The following CAMK2D variants were observed in gnomAD, a reference collection of about 807,000 sequenced individuals.
CAMK2D encodes calcium/calmodulin dependent protein kinase II delta.
CAMK2D carries 37 observed loss-of-function variants against 84.0 expected under a neutral mutation model. The observed-to-expected ratio is 0.44, with a 90% CI of 0.34 to 0.58. The LOEUF is 0.58. Among genes scored for constraint, CAMK2D ranks in the 20% least tolerant of loss-of-function variants. The pLI, the probability that CAMK2D is intolerant of heterozygous loss-of-function variation, is 0.02. For synonymous variants in CAMK2D, 202 were observed against 212.5 expected, an observed-to-expected ratio of 0.95 and a Z score of 0.43; for missense variants, 448 against 652.5, an observed-to-expected ratio of 0.69 and a Z score of 3.41.
intron 3 of CAMK2D, among the ~76,000 whole-genome samples, chr4:113,652,018 A>T (rs2099175100): frequency 6.6e-6 from 1 of 152,210 alleles, no homozygotes; most frequent in Non-Finnish European, 1.5e-5. Context: ...TTAAGCAAGG[A>T]TTTTTTAATC....
chr4:113,526,635 T>C (rs1030134142), intron 8 of CAMK2D, among the ~76,000 whole-genome samples: 11 of 152,158 alleles, frequency 7.2e-5, no homozygotes, highest in African/African-American at 2.7e-4. Context: ...ATCTCACTAT[T>C]ATAAGATATT....
intron 3 of CAMK2D, among the ~76,000 whole-genome samples, chr4:113,619,038 T>C (rs995390148): frequency 5.3e-5 from 8 of 152,168 alleles, no homozygotes; most frequent in East Asian, 1.9e-4. Flanking sequence ...ACTTATCTCA[T>C]AGACATCTCA....
At chr4:113,620,801 C>T (rs1321700976) in intron 3 of CAMK2D, among the ~76,000 whole-genome samples, 1 of 152,122 alleles carries the variant, frequency 6.6e-6, no homozygotes, top group East Asian at 1.9e-4. Context: ...CCACCACACA[C>T]TTCTATGAGC....
At chr4:113,528,546 G>T (rs1389894496) in intron 8 of CAMK2D, among the ~76,000 whole-genome samples, 1 of 152,086 alleles carries the variant, frequency 6.6e-6, no homozygotes, top group Non-Finnish European at 1.5e-5. Context: ...GATGAAGCAG[G>T]CAAAGAAAGA....
intron 3 of CAMK2D, among the ~76,000 whole-genome samples, chr4:113,625,063 T>G (rs1019932812): frequency 2.6e-5 from 4 of 152,178 alleles, no homozygotes; most frequent in Non-Finnish European, 5.9e-5. Flanking sequence ...CAGCCAGATG[T>G]CTGGTGATCA....
chr4:113,609,058 G>A (rs2098988924), intron 4 of CAMK2D, 94 bp downstream of exon 4: 1 of 658,982 alleles, frequency 1.5e-6, no homozygotes, highest in Non-Finnish European at 2.8e-6. Context: ...TATTGTAGCA[G>A]TCAGTAATTT....
At chr4:113,484,767 T>C (rs1194523250) in intron 16 of CAMK2D, among the ~76,000 whole-genome samples, 1 of 152,148 alleles carries the variant, frequency 6.6e-6, no homozygotes, top group East Asian at 1.9e-4. Context: ...TTACAAAAGA[T>C]AAGCTATTAT....
At chr4:113,550,851 T>C (rs944503785) in intron 5 of CAMK2D, among the ~76,000 whole-genome samples, 8 of 152,164 alleles carry the variant, frequency 5.3e-5, no homozygotes, top group Non-Finnish European at 1.0e-4. Context: ...GCCATAAAAA[T>C]TCCATTAAAA....
At chr4:113,487,761 T>G (rs148445172) in intron 16 of CAMK2D, among the ~76,000 whole-genome samples, 1 of 152,162 alleles carries the variant, frequency 6.6e-6, no homozygotes, top group East Asian at 1.9e-4. Flanking sequence ...ATTGTTTCTT[T>G]AAACTTTGAG....
chr4:113,508,974 C>T (rs1433292712), intron 13 of CAMK2D, among the ~76,000 whole-genome samples: 1 of 152,206 alleles, frequency 6.6e-6, no homozygotes, highest in Non-Finnish European at 1.5e-5. Context: ...CATAAGATTA[C>T]ATTCCAACAA....
chr4:113,556,781 G>C (rs1429462344), intron 4 of CAMK2D, among the ~76,000 whole-genome samples: 1 of 152,134 alleles, frequency 6.6e-6, no homozygotes, highest in Non-Finnish European at 1.5e-5. Context: ...TTAGCACCAT[G>C]TTCTAAGATA....
chr4:113,487,841 A>G (rs2097780319), intron 16 of CAMK2D, among the ~76,000 whole-genome samples: 1 of 151,988 alleles, frequency 6.6e-6, no homozygotes, highest in Admixed American at 6.6e-5. Context: ...AATAATATGT[A>G]TTAGAATGTA....
chr4:113,565,413 G>A (rs1158859062), intron 4 of CAMK2D, among the ~76,000 whole-genome samples: 1 of 152,166 alleles, frequency 6.6e-6, no homozygotes, highest in African/African-American at 2.4e-5. Context: ...CACTTTGGGA[G>A]GCCAAGGCGG....
chr4:113,589,448 G>A (rs2098849406), intron 4 of CAMK2D, among the ~76,000 whole-genome samples: 1 of 152,176 alleles, frequency 6.6e-6, no homozygotes, highest in African/African-American at 2.4e-5. Context: ...CAGGCTATGA[G>A]TAAGGCAGTA....
chr4:113,702,172 A>T (rs1195563134), intron 2 of CAMK2D, among the ~76,000 whole-genome samples: 2 of 152,210 alleles, frequency 1.3e-5, no homozygotes, highest in African/African-American at 4.8e-5. Flanking sequence ...CCATTATGTA[A>T]CATTACTAAG....
intron 3 of CAMK2D, among the ~76,000 whole-genome samples, chr4:113,612,925 G>A (rs1436419031): frequency 6.6e-6 from 1 of 152,098 alleles, no homozygotes; most frequent in Non-Finnish European, 1.5e-5. Context: ...ATGATTGCAG[G>A]ATCGCTGCTT....
chr4:113,594,694 C>A (rs1044413777), intron 4 of CAMK2D, among the ~76,000 whole-genome samples: 1 of 151,880 alleles, frequency 6.6e-6, no homozygotes, highest in Non-Finnish European at 1.5e-5. Flanking sequence ...AATCTCTAAG[C>A]CTGAAGATAT....
rs2098989407 is a variant in CAMK2D at position 113,609,197 on chromosome 4, T to C, written c.230A>G (p.His77Arg). The part of the protein sequence containing the change: ...LLKHPNIVRL[H>R]DSISEEGFHY... ...AAAGCCCTCTTCTGATATGCTATCATGAAGTCGCACTAGAAAAAAATAAGA... is the reference window on the plus strand; with the variant it reads ...AAAGCCCTCTTCTGATATGCTATCACGAAGTCGCACTAGAAAAAAATAAGA... The change falls in exon 4 of 21, where the codon CAT (histidine) becomes CGT (arginine). Residue 77 changes from histidine to arginine, a missense_variant. Coordinates refer to ENST00000511664, the MANE Select transcript of CAMK2D (RefSeq NM_001321571.2). 4 of 1,578,702 alleles carry C rather than the reference T, an allele frequency of 2.5e-6. No homozygotes were observed. Among genetic ancestry groups the C allele is most frequent in the Non-Finnish European group, 3.5e-6 (4 of 1,148,144 alleles).
chr4:113,516,351 G>A (rs1370184472), intron 9 of CAMK2D, among the ~76,000 whole-genome samples: 2 of 152,148 alleles, frequency 1.3e-5, no homozygotes, highest in Non-Finnish European at 2.9e-5. Context: ...TCTTCTGATA[G>A]CAAATGAGCG....
Sources: allele counts gnomAD v4.1 joint callset (sites outside exome capture counted in the v4.1 genomes callset), GRCh38; gene constraint gnomAD v4.1.1; transcripts MANE v1.5; gene names NCBI Gene and HGNC (gene_info 2026-07-23, HGNC 2026-07-21).